YAF2: variants seen among roughly 807,000 people sequenced by gnomAD.
The protein encoded by YAF2 is YY1-associated factor 2.
A neutral mutation model predicts 20.1 loss-of-function variants in YAF2; 7 were observed. That is an observed-to-expected ratio of 0.35 (90% CI 0.20 to 0.65). The LOEUF (loss-of-function observed/expected upper bound fraction) is 0.65. YAF2 is among the 30% of genes least tolerant of loss of function. The pLI, the probability that YAF2 is intolerant of heterozygous loss-of-function variation, is 0.69. For missense variants in YAF2, 151 were observed against 219.2 expected (o/e 0.69, Z 1.96); for synonymous variants, 74 against 76.0 (o/e 0.97, Z 0.14).
chr12:42,175,531 C>T (rs971203556), intron 2 of YAF2, among the ~76,000 whole-genome samples: 1 of 1,314 alleles, frequency 7.6e-4, no homozygotes, highest in Admixed American at 0.014. Flanking sequence ...GTCAATTATA[C>T]CTCAAAAAAA....
chr12:42,197,695 C>G (rs2066789947), intron 2 of YAF2, among the ~76,000 whole-genome samples: 1 of 152,104 alleles, frequency 6.6e-6, no homozygotes, highest in African/African-American at 2.4e-5. Flanking sequence ...CATAAGAAAA[C>G]ATGTAACCCG....
At chr12:42,173,491 C>A (rs2066103818) in intron 2 of YAF2, among the ~76,000 whole-genome samples, 1 of 152,204 alleles carries the variant, frequency 6.6e-6, no homozygotes, top group South Asian at 2.1e-4. Context: ...ATTTGCTTTT[C>A]ACTTAATTTG....
chr12:42,220,058 G>A (rs1461814449), intron 2 of YAF2, among the ~76,000 whole-genome samples: 2 of 152,142 alleles, frequency 1.3e-5, no homozygotes, highest in African/African-American at 2.4e-5. Context: ...TAACTTAGAG[G>A]ACCAAGATGA....
chr12:42,159,865 C>T lies in YAF2; in HGVS notation c.*724G>A, dbSNP rs935846082. 6.6e-6 allele frequency: 1 copy of T among 152,398 alleles called. No individual in the cohort carries two copies. Among genetic ancestry groups the T allele is most frequent in the Admixed American group, 6.6e-5 (1 of 15,256 alleles). 9.4% of individuals were successfully genotyped at this position (152,398 alleles called of 1,614,324 possible). A position where few individuals can be genotyped will look rare whatever the true frequency, so the allele number is the denominator to read the frequency against. On this transcript the variant is annotated 3_prime_UTR_variant, in exon 4 of 4. Coordinates refer to ENST00000534854, the MANE Select transcript of YAF2 (RefSeq NM_005748.6). ...ATACCAGTGTTCAATGACAATAGCA[C>T]TAAACCTGAATTATAAAGCTAAATA... is the stretch of plus-strand genomic sequence containing the variant.
intron 2 of YAF2, chr12:42,232,439 C>G (rs1046563569): frequency 1.6e-5 from 16 of 985,398 alleles, no homozygotes; most frequent in Non-Finnish European, 1.9e-5. Flanking sequence ...TACACAAACA[C>G]TAATAATCAC....
intron 2 of YAF2, among the ~76,000 whole-genome samples, chr12:42,182,599 G>C (rs1476530412): frequency 6.6e-6 from 1 of 152,170 alleles, no homozygotes; most frequent in Non-Finnish European, 1.5e-5. Context: ...GCAAAAGATT[G>C]CCTAATCTTC....
intron 2 of YAF2, among the ~76,000 whole-genome samples, chr12:42,229,174 G>A (rs1473974373): frequency 6.6e-5 from 5 of 75,822 alleles, no homozygotes; most frequent in South Asian, 5.4e-4. Flanking sequence ...GATTAAGGGC[G>A]GTGCAAGATG....
intron 2 of YAF2, among the ~76,000 whole-genome samples, chr12:42,223,810 G>A (rs1215737158): frequency 6.6e-6 from 1 of 150,678 alleles, no homozygotes; most frequent in Non-Finnish European, 1.5e-5. Context: ...TCACTCATAA[G>A]TGGGAGTTGA....
chr12:42,192,731 A>G (rs897302378), intron 2 of YAF2, among the ~76,000 whole-genome samples: 1 of 152,164 alleles, frequency 6.6e-6, no homozygotes, highest in African/African-American at 2.4e-5. Flanking sequence ...GGATTTAAAG[A>G]TTTTGGTCAA....
chr12:42,226,068 A>G (rs1261550092), intron 2 of YAF2, among the ~76,000 whole-genome samples: 1 of 152,136 alleles, frequency 6.6e-6, no homozygotes, highest in Non-Finnish European at 1.5e-5. Context: ...AGTGGTTTGT[A>G]GTTCTCCTTG....
chr12:42,173,812 T>C (rs1272295988), intron 2 of YAF2, among the ~76,000 whole-genome samples: 1 of 152,212 alleles, frequency 6.6e-6, no homozygotes, highest in South Asian at 2.1e-4. Flanking sequence ...CAAAACTTGC[T>C]TTTATCATGT....
At chr12:42,223,363 T>C (rs945892449) in intron 2 of YAF2, among the ~76,000 whole-genome samples, 2 of 150,610 alleles carry the variant, frequency 1.3e-5, no homozygotes, top group African/African-American at 2.5e-5. Context: ...CACATATATA[T>C]ACACACAAAC....
At chr12:42,179,242 G>C (rs2066276720) in intron 2 of YAF2, among the ~76,000 whole-genome samples, 1 of 152,186 alleles carries the variant, frequency 6.6e-6, no homozygotes, top group African/African-American at 2.4e-5. Flanking sequence ...GGCCACAGTG[G>C]CTGTATCACC....
intron 2 of YAF2, among the ~76,000 whole-genome samples, chr12:42,208,914 G>C (rs2067127089): frequency 6.6e-6 from 1 of 152,194 alleles, no homozygotes; most frequent in East Asian, 1.9e-4. Flanking sequence ...GCAAACGGAT[G>C]AAAGTTTTGT....
intron 2 of YAF2, among the ~76,000 whole-genome samples, chr12:42,198,567 T>C (rs886540350): frequency 2.6e-5 from 4 of 152,088 alleles, no homozygotes; most frequent in East Asian, 1.9e-4. Context: ...GCCTGGGCAA[T>C]ACAGCGAGAC....
chr12:42,223,000 C>A (rs999392023), intron 2 of YAF2, among the ~76,000 whole-genome samples: 1 of 149,846 alleles, frequency 6.7e-6, no homozygotes, highest in African/African-American at 2.5e-5. Flanking sequence ...AAAGCTGTGT[C>A]TTTCATTATC....
At chr12:42,181,330 C>G (rs2066336963) in intron 2 of YAF2, among the ~76,000 whole-genome samples, 1 of 152,168 alleles carries the variant, frequency 6.6e-6, no homozygotes, top group South Asian at 2.1e-4. Flanking sequence ...TACTGCTTTC[C>G]CTCTACTTCC....
chr12:42,232,144 A>C (rs1162457526), intron 2 of YAF2: 2 of 152,438 alleles, frequency 1.3e-5, no homozygotes, highest in African/African-American at 4.8e-5. Flanking sequence ...TTTCTGCTTC[A>C]AGGATATTCT....
chr12:42,192,184 C>A (rs745731844), intron 2 of YAF2, among the ~76,000 whole-genome samples: 4 of 152,022 alleles, frequency 2.6e-5, no homozygotes, highest in Admixed American at 6.5e-5. Context: ...GCAGACCAGG[C>A]CAAGAAGGGC....
Sources: allele counts gnomAD v4.1 joint callset (sites outside exome capture counted in the v4.1 genomes callset), GRCh38; gene constraint gnomAD v4.1.1; transcripts MANE v1.5; gene names NCBI Gene and HGNC (gene_info 2026-07-23, HGNC 2026-07-21).